Variants in IARS2 observed in about 807,000 individuals in gnomAD.
The protein encoded by IARS2 is isoleucine--tRNA ligase, mitochondrial.
IARS2 carries 56 observed loss-of-function variants against 126.3 expected under a neutral mutation model. The ratio of observed to expected loss-of-function variants is 0.44; its 90% CI spans 0.36 to 0.55. IARS2 has a LOEUF of 0.55. IARS2 is among the 20% of genes least tolerant of loss of function. IARS2 has a pLI of 0.00. For synonymous variants in IARS2, 407 were observed against 441.1 expected (o/e 0.92, Z 0.97); for missense variants, 1,127 against 1,245.9 (o/e 0.90, Z 1.44).
At chr1:220,144,157 A>G (rs1414972653) in intron 21 of IARS2, 2 of 803,822 alleles carry the variant, frequency 2.5e-6, no homozygotes, top group Non-Finnish European at 4.4e-6. Context: ...CCTGCCTGTG[A>G]GGTTCACAAC....
chr1:220,113,642 G>T (rs75426550), intron 11 of IARS2, among the ~76,000 whole-genome samples: 8,651 of 151,714 alleles, frequency 0.057, 310 homozygotes, highest in East Asian at 0.16. Flanking sequence ...TATATATAGA[G>T]AGAGAGAGAG....
chr1:220,103,606 G>C, intron 8 of IARS2, 44 bp downstream of exon 8: 7 of 1,243,544 alleles, frequency 5.6e-6, no homozygotes, highest in Non-Finnish European at 8.3e-6. Context: ...TCAAAGTATT[G>C]GGCTGACTTG....
chr1:220,125,304 C>T lies in IARS2; in HGVS notation c.1708C>T (p.Pro570Ser). The T allele has an allele frequency of 6.2e-7, 1 of 1,613,510 alleles. No individual in the cohort carries two copies. The highest frequency in any genetic ancestry group is 8.5e-7 in the Non-Finnish European group (1 of 1,179,538). ...HGSDIWWTLP[P>S]EQLLPKEVLS... ...CAGTGATATCTGGTGGACTCTTCCC[C>T]CTGAACAACTTCTTCCAAAAGAAGT... Residue 570 changes from proline to serine, a missense_variant, in exon 13 of 23, where the codon CCT becomes TCT. By Grantham distance (74) the Pro-to-Ser change is moderately conservative (BLOSUM62 -1). Coordinates refer to ENST00000366922, the MANE Select transcript of IARS2 (RefSeq NM_018060.4).
rs561895513 is a variant in IARS2 at position 220,142,982 on chromosome 1, A to C, written c.2599A>C (p.Ser867Arg). ...SVFRTGWIST[S>R]SIWKKPGLEE... The stretch of plus-strand genomic sequence containing the variant: ...TTTCCGTACTGGGTGGATTAGTACT[A>C]GTTCTATCTGGAAAAAGCCCGGGTT... Residue 867 changes from serine to arginine, a missense_variant, in exon 21 of 23, where the codon AGT becomes CGT. By Grantham distance (110) the Ser-to-Arg change is moderately radical (BLOSUM62 -1). Coordinates refer to ENST00000366922, the MANE Select transcript of IARS2 (RefSeq NM_018060.4). 22 of 1,614,054 alleles carry C rather than the reference A, an allele frequency of 1.4e-5. No individual in the cohort carries two copies. The South Asian group carries it at 2.2e-4, about 16-fold the overall frequency.
At position 220,104,134 on chromosome 1, in the gene IARS2, C is replaced by T. The variant is rs527633081; in HGVS notation, c.1066+572C>T. Among the ~76,000 whole-genome samples the T allele has an allele frequency of 1.4e-4, 21 of 152,238 alleles. No homozygotes were observed. The South Asian group carries it at 2.5e-3, about 18-fold the overall frequency. ...GACTATAGGCACATGCCACTGCACC[C>T]GGCTAATTTTGAAAAAATATTTTAC... is the stretch of plus-strand genomic sequence containing the variant. On this transcript the variant is annotated intron_variant, in intron 8 of 22. Coordinates refer to ENST00000366922, the MANE Select transcript of IARS2 (RefSeq NM_018060.4).
chr1:220,094,182 G>T lies in IARS2; in HGVS notation c.-35G>T, dbSNP rs765948122. On this transcript the variant is annotated 5_prime_UTR_variant, in exon 1 of 23. Transcript: ENST00000366922. Reference sequence around the variant, plus strand: ...GTCCTGCCCCTTCAAGCTGGGGCGGGAGCGGAGGACCCCGCTCTCAGGGGT... The same window carrying T: ...GTCCTGCCCCTTCAAGCTGGGGCGGTAGCGGAGGACCCCGCTCTCAGGGGT... The T allele has an allele frequency of 6.6e-6, 10 of 1,514,680 alleles. No homozygotes were observed. The Admixed American group carries it at 2.0e-4, about 30-fold the overall frequency. The allele number at this position is 1,514,680 out of a possible 1,614,324, so 93.8% of individuals were successfully genotyped here. A position where few individuals can be genotyped will look rare whatever the true frequency, so the allele number is the denominator to read the frequency against.
intron 12 of IARS2, among the ~76,000 whole-genome samples, chr1:220,121,734 C>T (rs912083953): frequency 2.2e-4 from 33 of 152,118 alleles, no homozygotes; most frequent in Middle Eastern, 3.4e-3. Context: ...CATGAGCCAC[C>T]GTGCCAGGCC....
intron 14 of IARS2, among the ~76,000 whole-genome samples, 188 bp from the exon 15 acceptor site, chr1:220,134,214 C>T (rs1657322199): frequency 6.6e-6 from 1 of 152,200 alleles, no homozygotes; most frequent in African/African-American, 2.4e-5. Flanking sequence ...TGATACATCT[C>T]TGTCCCATTA....
At position 220,114,415 on chromosome 1, in the gene IARS2, T is replaced by C. The variant is rs368023248; in HGVS notation, c.1581T>C (p.Val527=). Residue 527 remains valine (V), a synonymous_variant, in exon 12 of 23, where the codon GTT becomes GTC. Coordinates refer to ENST00000366922, the MANE Select transcript of IARS2 (RefSeq NM_018060.4). ...RPYWCISRQR[V]WGVPIPVFHH... ...ATTGGTGTATATCAAGGCAAAGAGT[T>C]TGGGGTGTTCCAATTCCTGTGTTTC... is the stretch of plus-strand genomic sequence containing the variant. The C allele has an allele frequency of 6.2e-7, 1 of 1,613,846 alleles. No individual in the cohort carries two copies. The highest frequency in any genetic ancestry group is 8.5e-7 in the Non-Finnish European group (1 of 1,179,892).
chr1:220,131,174 T>G (rs1657259152), intron 14 of IARS2, among the ~76,000 whole-genome samples: 1 of 151,804 alleles, frequency 6.6e-6, no homozygotes, highest in Non-Finnish European at 1.5e-5. Context: ...ATTGAATCTT[T>G]ATTTATTTAT....
intron 1 of IARS2, 95 bp downstream of exon 1, chr1:220,094,578 C>A (rs1425640008): frequency 9.3e-7 from 1 of 1,073,864 alleles, no homozygotes; most frequent in Non-Finnish European, 1.3e-6. Context: ...GGCTCCACGC[C>A]GGTGCGGGTG....
intron 10 of IARS2, among the ~76,000 whole-genome samples, chr1:220,107,430 A>G (rs980205131): frequency 2.6e-5 from 4 of 152,162 alleles, no homozygotes; most frequent in African/African-American, 9.7e-5. Flanking sequence ...TACAATCAAG[A>G]TCAGGGCTGG....
At chr1:220,094,515 G>T in intron 1 of IARS2, 32 bp downstream of exon 1, 1 of 1,534,548 alleles carries the variant, frequency 6.5e-7, no homozygotes, top group Non-Finnish European at 8.7e-7. Flanking sequence ...GGGGCCTCCA[G>T]AGAGGCCCGA....
chr1:220,125,319 C>G lies in IARS2; in HGVS notation c.1723C>G (p.Pro575Ala). 6 of 1,610,504 alleles carry G rather than the reference C, an allele frequency of 3.7e-6. No individual in the cohort carries two copies. Among genetic ancestry groups the G allele is most frequent in the Non-Finnish European group, 4.2e-6 (5 of 1,176,806 alleles). ...GACTCTTCCCCCTGAACAACTTCTT[C>G]CAAAAGAAGTCTTATCTGAGGTAAA... The part of the protein sequence containing the change: ...WWTLPPEQLL[P>A]KEVLSEVGGP... Residue 575 changes from proline (P) to alanine (A), a missense_variant, in exon 13 of 23, where the codon CCA becomes GCA. Coordinates refer to ENST00000366922, the MANE Select transcript of IARS2 (RefSeq NM_018060.4).
rs370450245 is a variant in IARS2 at position 220,139,148 on chromosome 1, A to G, written c.2307+9A>G. On this transcript the variant is annotated intron_variant, in intron 18 of 22. Coordinates refer to ENST00000366922, the MANE Select transcript of IARS2 (RefSeq NM_018060.4). ...AGGATTTGGCAAACAAGGTAAATGT[A>G]AATTAATAAACTTTTGGAAACTAGA... The G allele has an allele frequency of 1.3e-5, 20 of 1,598,370 alleles. No individual in the cohort carries two copies. In the African/African-American group the frequency reaches 2.3e-4, roughly 18 times the overall value.
At chr1:220,137,576 G>A (rs1657401269) in intron 16 of IARS2, 1 of 185,066 alleles carries the variant, frequency 5.4e-6, no homozygotes, top group Non-Finnish European at 1.1e-5. Context: ...GAAAGGAAAA[G>A]CAGTCCTTCC....
intron 17 of IARS2, among the ~76,000 whole-genome samples, chr1:220,138,412 A>G (rs1571863466): frequency 6.6e-6 from 1 of 152,196 alleles, no homozygotes; most frequent in Admixed American, 6.5e-5. Context: ...CGGAGGTTGC[A>G]GTGAGCCGAG....
Position 220,141,679 on chromosome 1 carries a change from A to G in IARS2, c.2415-124A>G, listed in dbSNP as rs185705173. 47 of 936,912 alleles carry G rather than the reference A, an allele frequency of 5.0e-5. No homozygotes were observed. The African/African-American group carries it at 5.6e-4, about 11-fold the overall frequency. The allele number at this position is 936,912 out of a possible 1,614,324, so 58.0% of individuals were successfully genotyped here. ...GTAGGAGAGTGTATTGTATTCTTTA[A>G]GTAGAAGATGATTAGAGCCATAGGA... On this transcript the variant is annotated intron_variant, in intron 19 of 22. Transcript: ENST00000366922.
intron 11 of IARS2, among the ~76,000 whole-genome samples, chr1:220,112,766 C>T (rs1656836816): frequency 6.6e-6 from 1 of 151,894 alleles, no homozygotes; most frequent in Non-Finnish European, 1.5e-5. Context: ...GTCAAGTTGC[C>T]CCGGTTGGTG....
Sources: gnomAD v4.1 joint callset for allele counts (sites outside exome capture counted in the v4.1 genomes callset) on GRCh38, gnomAD v4.1.1 for gene constraint, MANE v1.5 for transcripts, NCBI Gene and HGNC (gene_info 2026-07-23, HGNC 2026-07-21) for gene names.